Variants in COL22A1 observed in about 807,000 individuals in gnomAD.
COL22A1 encodes collagen alpha-1(XXII) chain.
In COL22A1, 221 loss-of-function variants were observed where a neutral mutation model predicts 248.9. The observed-to-expected ratio is 0.89, with a 90% CI of 0.80 to 0.99. The LOEUF (loss-of-function observed/expected upper bound fraction) is 0.99, where lower values mean the gene tolerates loss of function less well. Ranked by LOEUF, COL22A1 falls within the 50% of genes least tolerant of loss-of-function variation. The probability of loss-of-function intolerance (pLI) is 0.00; values close to 1 mark genes in which losing one functional copy is unlikely to be tolerated. For synonymous variants in COL22A1, 891 were observed against 793.4 expected (o/e 1.12, Z -2.07); for missense variants, 2,240 against 2,179.0 (o/e 1.03, Z -0.56).
chr8:138,823,689 A>C (rs1223787824), intron 6 of COL22A1, among the ~76,000 whole-genome samples: 1 of 152,254 alleles, frequency 6.6e-6, no homozygotes, highest in African/African-American at 2.4e-5. Flanking sequence ...TACAGGCATG[A>C]GCCACTGTGC....
chr8:138,636,805 A>G lies in COL22A1; in HGVS notation c.3502-10T>C. 2 of 1,602,142 alleles carry G rather than the reference A, an allele frequency of 1.2e-6. No individual in the cohort carries two copies. The highest frequency in any genetic ancestry group is 2.2e-5 in the South Asian group (2 of 90,384). ...GTTCTCCTTGACTTCCCTTGAAAGG[A>G]AAAAAAAGAAAAGAAAGATGTCACT... On this transcript the variant is annotated splice_polypyrimidine_tract_variant and intron_variant, in intron 47 of 64. Transcript: ENST00000303045.
intron 50 of COL22A1, among the ~76,000 whole-genome samples, chr8:138,629,850 T>C (rs978781809): frequency 1.3e-5 from 2 of 152,102 alleles, no homozygotes; most frequent in African/African-American, 4.8e-5. Flanking sequence ...TGGAATATGA[T>C]GGTGAGATTC....
chr8:138,752,547 G>T (rs1586653209), intron 21 of COL22A1, among the ~76,000 whole-genome samples: 2 of 152,288 alleles, frequency 1.3e-5, no homozygotes, highest in East Asian at 3.9e-4. Flanking sequence ...CACACAGAAA[G>T]AGAAGGCCCT....
At chr8:138,781,338 A>G (rs1005359254) in intron 12 of COL22A1, among the ~76,000 whole-genome samples, 1 of 152,152 alleles carries the variant, frequency 6.6e-6, no homozygotes, top group Non-Finnish European at 1.5e-5. Flanking sequence ...ATTGGGCTGC[A>G]GCGGGGCTCT....
intron 20 of COL22A1, 23 bp from the exon 21 acceptor site, chr8:138,755,233 T>G: frequency 6.2e-7 from 1 of 1,611,940 alleles, no homozygotes. Context: ...GCCAAACAGA[T>G]GTTTAGTCAT....
At chr8:138,898,424 T>G (rs985482082) in intron 1 of COL22A1, among the ~76,000 whole-genome samples, 4 of 145,610 alleles carry the variant, frequency 2.7e-5, no homozygotes, top group Non-Finnish European at 6.1e-5. Flanking sequence ...CCGCCACCAC[T>G]CCCCAAAAAA....
At position 138,908,321 on chromosome 8, in the gene COL22A1, T is replaced by A. The variant is rs146322876; in HGVS notation, c.-73+5298A>T. Among the ~76,000 whole-genome samples the A allele has an allele frequency of 6.8e-3, 1,031 of 152,344 alleles. 12 individuals carry two copies. The highest frequency in any genetic ancestry group is 0.024 in the African/African-American group (981 of 41,582). Reference sequence around the variant, plus strand: ...AGTTGTGAAAGAATATTAGCCAGAATGTTACTATTGGTTAAGTTGGGGGAT... The same window carrying A: ...AGTTGTGAAAGAATATTAGCCAGAAAGTTACTATTGGTTAAGTTGGGGGAT... On this transcript the variant is annotated intron_variant, in intron 1 of 64. Coordinates refer to ENST00000303045, the MANE Select transcript of COL22A1 (RefSeq NM_152888.3).
intron 22 of COL22A1, among the ~76,000 whole-genome samples, chr8:138,742,059 T>C (rs939137246): frequency 4.0e-5 from 6 of 150,836 alleles, no homozygotes; most frequent in African/African-American, 1.5e-4. Context: ...ATGGTGATGG[T>C]AGAGTTGATG....
intron 23 of COL22A1, among the ~76,000 whole-genome samples, chr8:138,736,426 G>A (rs1433290654): frequency 1.3e-5 from 2 of 152,046 alleles, no homozygotes; most frequent in Admixed American, 1.3e-4. Flanking sequence ...TGAAAATAAG[G>A]AAGACTAAGA....
intron 3 of COL22A1, among the ~76,000 whole-genome samples, chr8:138,877,464 A>T (rs1027784170): frequency 4.6e-5 from 7 of 152,108 alleles, no homozygotes; most frequent in African/African-American, 1.7e-4. Context: ...GTTAGAACCC[A>T]TCCCTCTTTC....
At chr8:138,709,432 T>G (rs1828760496) in intron 30 of COL22A1, among the ~76,000 whole-genome samples, 1 of 151,924 alleles carries the variant, frequency 6.6e-6, no homozygotes, top group South Asian at 2.1e-4. Flanking sequence ...ATGTGGCACA[T>G]ATACACCATG....
chr8:138,885,646 C>T (rs956583023), intron 1 of COL22A1, among the ~76,000 whole-genome samples: 1 of 152,158 alleles, frequency 6.6e-6, no homozygotes, highest in African/African-American at 2.4e-5. Flanking sequence ...TCACCACAAC[C>T]TCCACCTCCT....
intron 37 of COL22A1, among the ~76,000 whole-genome samples, chr8:138,685,656 G>A (rs1587857538): frequency 6.6e-6 from 1 of 152,120 alleles, no homozygotes; most frequent in Admixed American, 6.5e-5. Context: ...TACATGCATA[G>A]AGGCAAGAGG....
At chr8:138,745,874 A>C (rs773540757) in intron 22 of COL22A1, among the ~76,000 whole-genome samples, 1 of 152,210 alleles carries the variant, frequency 6.6e-6, no homozygotes, top group Non-Finnish European at 1.5e-5. Context: ...ACTAGATGAC[A>C]GTGCTCCCTG....
rs1343778719 is a variant in COL22A1 at position 138,716,287 on chromosome 8, T to C, written c.2403A>G (p.Gly801=). 5.0e-6 allele frequency: 8 copies of C among 1,585,384 alleles called. No homozygotes were observed. The highest frequency in any genetic ancestry group is 6.9e-6 in the Non-Finnish European group (8 of 1,163,732). The change falls in exon 29 of 65, where the codon GGA becomes GGG. Residue 801 remains glycine (G), a splice_region_variant and synonymous_variant. Coordinates refer to ENST00000303045, the MANE Select transcript of COL22A1 (RefSeq NM_152888.3). ...QGLAGRPGEK[G]EAGLPGAPGF... is the part of the protein sequence containing the mutation. Reference sequence around the variant, plus strand: ...CTGGAGCCCCTGGGAGGCCTGCTTCTCCCTGTGAGAACAAAATATTCACAA... The same window carrying C: ...CTGGAGCCCCTGGGAGGCCTGCTTCCCCCTGTGAGAACAAAATATTCACAA...
chr8:138,737,235 T>G (rs1435398072), intron 23 of COL22A1, among the ~76,000 whole-genome samples: 1 of 152,156 alleles, frequency 6.6e-6, no homozygotes, highest in Admixed American at 6.5e-5. Context: ...GGGGTCCCCC[T>G]TCGCCTCCCA....
At chr8:138,719,587 GACC>G (rs1563663637) in intron 27 of COL22A1, among the ~76,000 whole-genome samples, 1 of 152,170 alleles carries the variant, frequency 6.6e-6, no homozygotes, top group Non-Finnish European at 1.5e-5. Flanking sequence ...TTTTAAAAAT[GACC>G]ACTTTATGAA....
chr8:138,689,162 G>T (rs181314181), intron 36 of COL22A1, among the ~76,000 whole-genome samples, 192 bp from the exon 37 acceptor site: 1 of 145,530 alleles, frequency 6.9e-6, no homozygotes, highest in African/African-American at 2.8e-5. Flanking sequence ...CTCTCCCGGG[G>T]GGGGGGCTGG....
At chr8:138,702,245 TATCAATCTTA>T (rs1828028116) in intron 31 of COL22A1, among the ~76,000 whole-genome samples, 1 of 152,238 alleles carries the variant, frequency 6.6e-6, no homozygotes, top group African/African-American at 2.4e-5. Context: ...TGCTGTAGGT[TATCAATCTTA>T]AACAAAAATT....
Sources: gnomAD v4.1 joint callset for allele counts (sites outside exome capture counted in the v4.1 genomes callset) on GRCh38, gnomAD v4.1.1 for gene constraint, MANE v1.5 for transcripts, NCBI Gene and HGNC (gene_info 2026-07-23, HGNC 2026-07-21) for gene names.